PDE7B: variants seen among roughly 807,000 people sequenced by gnomAD.
PDE7B encodes the protein 3',5'-cyclic-AMP phosphodiesterase 7B.
A neutral mutation model predicts 56.2 loss-of-function variants in PDE7B; 29 were observed. The observed-to-expected ratio is 0.52, with a 90% CI of 0.38 to 0.70. PDE7B has a LOEUF of 0.70. Among genes scored for constraint, PDE7B ranks in the 30% least tolerant of loss-of-function variants. PDE7B has a pLI of 0.00. For synonymous variants in PDE7B, 197 were observed against 196.9 expected (o/e 1.00, Z 0.00); for missense variants, 490 against 565.0 (o/e 0.87, Z 1.35).
chr6:136,048,286 G>T (rs751716810), intron 2 of PDE7B, among the ~76,000 whole-genome samples: 12 of 152,290 alleles, frequency 7.9e-5, no homozygotes, highest in Admixed American at 2.0e-4. Context: ...CACTTTGGGA[G>T]GCCGAGGCAG....
At chr6:135,988,988 C>G (rs950201352) in intron 2 of PDE7B, among the ~76,000 whole-genome samples, 1 of 152,112 alleles carries the variant, frequency 6.6e-6, no homozygotes, top group Non-Finnish European at 1.5e-5. Flanking sequence ...CATAATCTTG[C>G]TTTTATGTAA....
intron 3 of PDE7B, among the ~76,000 whole-genome samples, chr6:136,110,114 GT>G (rs141553779): frequency 1.3e-5 from 2 of 151,944 alleles, no homozygotes; most frequent in East Asian, 1.9e-4. Context: ...TGCAATGTCT[GT>G]TTTTTTTAGC....
chr6:136,086,835 G>A (rs934913908), intron 2 of PDE7B, among the ~76,000 whole-genome samples: 1 of 152,214 alleles, frequency 6.6e-6, no homozygotes, highest in African/African-American at 2.4e-5. Context: ...AGCAGTGTGT[G>A]TACGGTGCCA....
At chr6:136,052,066 G>C (rs1484238397) in intron 2 of PDE7B, among the ~76,000 whole-genome samples, 2 of 151,450 alleles carry the variant, frequency 1.3e-5, no homozygotes, top group African/African-American at 4.8e-5. Context: ...AAAAGGCTGA[G>C]GATAAAAACT....
At chr6:135,859,867 G>A (rs900484073) in intron 1 of PDE7B, among the ~76,000 whole-genome samples, 3 of 151,992 alleles carry the variant, frequency 2.0e-5, no homozygotes, top group African/African-American at 7.2e-5. Flanking sequence ...GCAATAATGA[G>A]TAATAATTTA....
At chr6:135,918,216 T>C (rs766540131) in intron 1 of PDE7B, among the ~76,000 whole-genome samples, 11 of 152,194 alleles carry the variant, frequency 7.2e-5, no homozygotes, top group Non-Finnish European at 1.3e-4. Flanking sequence ...CTCCTCCCTG[T>C]GCCTAGACAG....
At chr6:135,973,869 G>C (rs1197068892) in intron 2 of PDE7B, among the ~76,000 whole-genome samples, 1 of 152,204 alleles carries the variant, frequency 6.6e-6, no homozygotes, top group African/African-American at 2.4e-5. Flanking sequence ...TTGGCCAGTA[G>C]AGAGTTATTT....
chr6:135,906,810 G>GT (rs869049424), intron 1 of PDE7B, among the ~76,000 whole-genome samples: 16,443 of 59,646 alleles, frequency 0.28, 4,835 homozygotes, highest in Non-Finnish European at 0.36. Flanking sequence ...AATGAGGTTT[G>GT]TTTTTTTTTT....
At chr6:136,147,737 C>T (rs1410365166) in intron 4 of PDE7B, among the ~76,000 whole-genome samples, 1 of 152,206 alleles carries the variant, frequency 6.6e-6, no homozygotes, top group East Asian at 1.9e-4. Flanking sequence ...CCATGCCTAA[C>T]ACATACTAGC....
intron 9 of PDE7B, among the ~76,000 whole-genome samples, chr6:136,175,030 G>C (rs1252190000): frequency 2.0e-5 from 3 of 152,144 alleles, no homozygotes; most frequent in Non-Finnish European, 4.4e-5. Context: ...GGACAGGAAA[G>C]AAGAAAATGC....
At chr6:136,141,778 G>A (rs970515442) in intron 3 of PDE7B, among the ~76,000 whole-genome samples, 1 of 152,130 alleles carries the variant, frequency 6.6e-6, no homozygotes, top group Non-Finnish European at 1.5e-5. Context: ...TTCTCTGATG[G>A]TAGTTTGTAT....
chr6:136,169,228 GTTC>G (rs1198634854), intron 8 of PDE7B, among the ~76,000 whole-genome samples: 3 of 152,236 alleles, frequency 2.0e-5, no homozygotes, highest in South Asian at 2.1e-4. Flanking sequence ...TCTCTATGCT[GTTC>G]TTCTTTTCTT....
At chr6:136,053,869 G>C (rs1776679806) in intron 2 of PDE7B, among the ~76,000 whole-genome samples, 1 of 152,164 alleles carries the variant, frequency 6.6e-6, no homozygotes, top group Non-Finnish European at 1.5e-5. Context: ...TTTGAGAAGT[G>C]TCTGTTCATA....
intron 1 of PDE7B, among the ~76,000 whole-genome samples, chr6:135,926,369 G>A (rs567892940): frequency 1.2e-4 from 18 of 152,236 alleles, no homozygotes; most frequent in Non-Finnish European, 1.6e-4. Context: ...TTACAGGCGT[G>A]AGCCACCATG....
intron 1 of PDE7B, among the ~76,000 whole-genome samples, chr6:135,903,095 C>G (rs1212845810): frequency 6.6e-6 from 1 of 152,084 alleles, no homozygotes; most frequent in African/African-American, 2.4e-5. Flanking sequence ...CCTAATTATT[C>G]TAGGCTCTGA....
At chr6:135,977,344 G>A (rs1775204292) in intron 2 of PDE7B, among the ~76,000 whole-genome samples, 1 of 152,114 alleles carries the variant, frequency 6.6e-6, no homozygotes, top group African/African-American at 2.4e-5. Flanking sequence ...AACATTTGAT[G>A]AGGGGCCAGG....
At chr6:136,164,693 C>T (rs1003454656) in intron 8 of PDE7B, among the ~76,000 whole-genome samples, 2 of 152,028 alleles carry the variant, frequency 1.3e-5, no homozygotes, top group African/African-American at 2.4e-5. Flanking sequence ...TCAATTTAGA[C>T]TTTCATTGCA....
At chr6:136,062,418 G>T (rs1776860461) in intron 2 of PDE7B, among the ~76,000 whole-genome samples, 1 of 152,120 alleles carries the variant, frequency 6.6e-6, no homozygotes, top group African/African-American at 2.4e-5. Flanking sequence ...AGAATTCCAA[G>T]TATAGAATAC....
intron 8 of PDE7B, among the ~76,000 whole-genome samples, chr6:136,157,279 G>A (rs530618923): frequency 5.0e-4 from 76 of 152,234 alleles, no homozygotes; most frequent in African/African-American, 1.8e-3. Flanking sequence ...GCAGACAAGA[G>A]GGTTCTAGAA....
Sources: gnomAD v4.1 joint callset for allele counts (sites outside exome capture counted in the v4.1 genomes callset) on GRCh38, gnomAD v4.1.1 for gene constraint, MANE v1.5 for transcripts, NCBI Gene and HGNC (gene_info 2026-07-23, HGNC 2026-07-21) for gene names.